The following DSCAML1 variants were observed in gnomAD, a reference collection of about 807,000 sequenced individuals.
The protein encoded by DSCAML1 is DS cell adhesion molecule like 1, also known as cell adhesion molecule DSCAML1.
In DSCAML1, 38 loss-of-function variants were observed where a neutral mutation model predicts 200.5. The ratio of observed to expected loss-of-function variants is 0.19; its 90% CI spans 0.15 to 0.25. The LOEUF (loss-of-function observed/expected upper bound fraction) is 0.25. Among genes scored for constraint, DSCAML1 ranks in the 10% least tolerant of loss-of-function variants. DSCAML1 has a pLI of 1.00. For synonymous variants in DSCAML1, 1,215 were observed against 1,165.0 expected (o/e 1.04, Z -0.87); for missense variants, 2,223 against 2,858.8 (o/e 0.78, Z 5.07).
At chr11:117,473,560 TG>T (rs1488487176) in intron 14 of DSCAML1, among the ~76,000 whole-genome samples, 1 of 152,092 alleles carries the variant, frequency 6.6e-6, no homozygotes, top group African/African-American at 2.4e-5. Flanking sequence ...TCAGGAGAAT[TG>T]GTTCACCAGA....
intron 15 of DSCAML1, among the ~76,000 whole-genome samples, chr11:117,471,062 A>G (rs974368942): frequency 6.6e-6 from 1 of 152,224 alleles, no homozygotes; most frequent in African/African-American, 2.4e-5. Context: ...AGAAAGGGGT[A>G]CATGGGGGAC....
intron 3 of DSCAML1, among the ~76,000 whole-genome samples, chr11:117,588,443 C>T (rs907454135): frequency 1.3e-5 from 2 of 152,202 alleles, no homozygotes; most frequent in African/African-American, 2.4e-5. Context: ...AGGGATAACA[C>T]GGGTAGCAGC....
At chr11:117,739,730 A>T (rs1409902806) in intron 3 of DSCAML1, among the ~76,000 whole-genome samples, 1 of 152,182 alleles carries the variant, frequency 6.6e-6, no homozygotes, top group Non-Finnish European at 1.5e-5. Context: ...GGTGGCTGGG[A>T]AAGTCCTGGG....
chr11:117,605,990 C>A (rs573901236), intron 3 of DSCAML1, among the ~76,000 whole-genome samples: 3 of 152,256 alleles, frequency 2.0e-5, no homozygotes, highest in African/African-American at 7.2e-5. Flanking sequence ...GCAACAGTGT[C>A]ATTATTGTCC....
intron 3 of DSCAML1, among the ~76,000 whole-genome samples, chr11:117,540,494 G>GAACTT (rs1436399934): frequency 6.6e-6 from 1 of 152,052 alleles, no homozygotes; most frequent in Non-Finnish European, 1.5e-5. Flanking sequence ...AAAGGCAACT[G>GAACTT]AACTTAAACA....
chr11:117,778,392 C>T (rs1349641315), intron 2 of DSCAML1, among the ~76,000 whole-genome samples: 1 of 152,132 alleles, frequency 6.6e-6, no homozygotes, highest in Non-Finnish European at 1.5e-5. Context: ...CTGTGATGTC[C>T]CAGGGAGTCA....
intron 3 of DSCAML1, among the ~76,000 whole-genome samples, chr11:117,698,748 C>A (rs1376826831): frequency 6.6e-6 from 1 of 152,170 alleles, no homozygotes; most frequent in Non-Finnish European, 1.5e-5. Context: ...CTATTCCATC[C>A]ATTTCGGAAT....
At chr11:117,606,107 T>C (rs544725450) in intron 3 of DSCAML1, among the ~76,000 whole-genome samples, 1 of 152,238 alleles carries the variant, frequency 6.6e-6, no homozygotes, top group East Asian at 1.9e-4. Flanking sequence ...TTTGCAGTGG[T>C]CCCAGGAGAC....
chr11:117,549,319 A>G (rs1041696168), intron 3 of DSCAML1, among the ~76,000 whole-genome samples: 1 of 152,328 alleles, frequency 6.6e-6, no homozygotes, highest in African/African-American at 2.4e-5. Context: ...CATGTTGGTC[A>G]CTGCTCTGGG....
At chr11:117,734,688 G>C (rs1448663945) in intron 3 of DSCAML1, among the ~76,000 whole-genome samples, 1 of 152,188 alleles carries the variant, frequency 6.6e-6, no homozygotes, top group African/African-American at 2.4e-5. Context: ...GCTCCAGAGG[G>C]GGCAGGGACT....
chr11:117,663,638 A>T (rs630024), intron 3 of DSCAML1, among the ~76,000 whole-genome samples: 14 of 151,700 alleles, frequency 9.2e-5, no homozygotes, highest in African/African-American at 2.9e-4. Context: ...CCAGGCCAGA[A>T]CTTCCCCTCC....
chr11:117,776,839 A>G lies in DSCAML1; in HGVS notation c.463T>C (p.Tyr155His). Reference protein sequence around the residue: ...KCLIPSSVQEYVSVVSWEKDT... With the variant: ...KCLIPSSVQEHVSVVSWEKDT... ...TTCTCCCAAGATACAACGCTAACATATTCCTGCACTGAAGAGGGGATGAGG... is the reference window on the plus strand; with the variant it reads ...TTCTCCCAAGATACAACGCTAACATGTTCCTGCACTGAAGAGGGGATGAGG... The change falls in exon 3 of 33, where the codon TAT becomes CAT. Residue 155 changes from tyrosine (Y) to histidine (H), a missense_variant. Tyr to His is a moderately conservative substitution (Grantham distance 83, BLOSUM62 2). This residue lies in a region of DSCAML1 where 579 missense variants were observed against 721.5 expected (regional missense o/e 0.80). Transcript: ENST00000651296. The G allele has an allele frequency of 6.2e-7, 1 of 1,614,156 alleles. No individual in the cohort carries two copies. The highest frequency in any genetic ancestry group is 8.5e-7 in the Non-Finnish European group (1 of 1,180,034).
Position 117,477,378 on chromosome 11 carries a change from GTGTGTGTGTGTGTA to G in DSCAML1, c.2785+3051_2785+3064del, listed in dbSNP as rs1195060494. 4.0e-3 allele frequency among the ~76,000 whole-genome samples: 583 copies of G among 146,522 alleles called. 1 individual carries two copies. The highest frequency in any genetic ancestry group is 0.014 in the African/African-American group (524 of 37,398). On this transcript the variant is annotated intron_variant, in intron 14 of 32. Transcript: ENST00000651296. ...TGTGTGTGTGTGTGTGTGTGTGTGT[GTGTGTGTGTGTGTA>G]TGTGTGTGTGTATGTGTATATTCTC...
chr11:117,521,319 G>A lies in DSCAML1; in HGVS notation c.1024C>T (p.Pro342Ser). The change falls in exon 6 of 33, where the codon CCA (proline) becomes TCA (serine). Residue 342 changes from proline (P) to serine (S), a missense_variant. Pro to Ser is a moderately conservative substitution (Grantham distance 74). This residue lies in a region of DSCAML1 where 579 missense variants were observed against 721.5 expected (regional missense o/e 0.80). Transcript: ENST00000651296. The part of the protein sequence containing the change: ...VILSCALTGS[P>S]EFTIRWYRNT... ...CGATACCAGCGGATGGTGAACTCTG[G>A]GGAGCCCGTCAGGGCACAGGAGAGG... 6.2e-7 allele frequency: 1 copy of A among 1,614,192 alleles called. No homozygotes were observed. Among genetic ancestry groups the A allele is most frequent in the Non-Finnish European group, 8.5e-7 (1 of 1,180,038 alleles).
At chr11:117,541,885 T>TTAAG (rs10693447) in intron 3 of DSCAML1, among the ~76,000 whole-genome samples, 1 of 150,924 alleles carries the variant, frequency 6.6e-6, no homozygotes, top group Admixed American at 6.6e-5. Flanking sequence ...CTCTTCTTCG[T>TTAAG]TAGGTGATTA....
intron 3 of DSCAML1, among the ~76,000 whole-genome samples, chr11:117,685,949 C>G (rs1340778871): frequency 6.6e-6 from 1 of 152,120 alleles, no homozygotes; most frequent in African/African-American, 2.4e-5. Context: ...AGCTTGGGCC[C>G]CTGAAGACTG....
At position 117,797,170 on chromosome 11, in the gene DSCAML1, C is replaced by G. The variant is rs757605244; in HGVS notation, c.-91G>C. 4 of 1,577,146 alleles carry G rather than the reference C, an allele frequency of 2.5e-6. No homozygotes were observed. Among genetic ancestry groups the G allele is most frequent in the Non-Finnish European group, 3.4e-6 (4 of 1,163,854 alleles). ...CCCGCTCAGCGCGCTCCCAGCCGCC[C>G]GCACTCGGCGCCCCGCTCTCTCTGC... is the stretch of plus-strand genomic sequence containing the variant. On this transcript the variant is annotated 5_prime_UTR_variant, in exon 1 of 33. Coordinates refer to ENST00000651296, the MANE Select transcript of DSCAML1 (RefSeq NM_020693.4).
intron 3 of DSCAML1, among the ~76,000 whole-genome samples, chr11:117,718,209 A>C (rs1015829167): frequency 1.3e-4 from 20 of 152,268 alleles, no homozygotes; most frequent in African/African-American, 4.8e-4. Flanking sequence ...TCTAGAAGCC[A>C]CTCACGCACC....
At chr11:117,785,209 G>A (rs1156942491) in intron 1 of DSCAML1, among the ~76,000 whole-genome samples, 1 of 152,230 alleles carries the variant, frequency 6.6e-6, no homozygotes, top group African/African-American at 2.4e-5. Context: ...AAAGGACAGG[G>A]GGAGCAGGAA....
Sources: allele counts gnomAD v4.1 joint callset (sites outside exome capture counted in the v4.1 genomes callset), GRCh38; gene constraint gnomAD v4.1.1; regional missense constraint gnomAD v4.1.1; transcripts MANE v1.5; gene names NCBI Gene and HGNC (gene_info 2026-07-23, HGNC 2026-07-21).